Variants in DHRSX observed in about 807,000 individuals in gnomAD.
The protein encoded by DHRSX is polyprenol dehydrogenase.
Under a neutral mutation model 34.0 loss-of-function variants are expected in DHRSX, and 31 were observed. That is an observed-to-expected ratio of 0.91 (90% confidence interval 0.69 to 1.23). The LOEUF (loss-of-function observed/expected upper bound fraction) is 1.23, where lower values mean the gene tolerates loss of function less well. Ranked by LOEUF, DHRSX falls within the 50% of genes most tolerant of loss-of-function variation. The pLI, the probability that DHRSX is intolerant of heterozygous loss-of-function variation, is 0.00. For synonymous variants in DHRSX, 201 were observed against 183.8 expected (o/e 1.09, Z -0.76); for missense variants, 414 against 428.1 (o/e 0.97, Z 0.29).
chrX:2,469,902 T>G (rs1014273819), intron 1 of DHRSX, among the ~76,000 whole-genome samples: 15 of 152,098 alleles, frequency 9.9e-5, no homozygotes, highest in African/African-American at 3.6e-4. Context: ...CACCACTGGG[T>G]GTGTACCCAA....
At chrX:2,312,025 G>A (rs1340511875) in intron 3 of DHRSX, among the ~76,000 whole-genome samples, 1 of 152,078 alleles carries the variant, frequency 6.6e-6, no homozygotes, top group African/African-American at 2.4e-5. Context: ...AAAATCCAAC[G>A]GCATCAAAAT....
intron 6 of DHRSX, among the ~76,000 whole-genome samples, chrX:2,229,659 GTATGTA>G (rs199865705): frequency 0.036 from 5,468 of 152,172 alleles, 317 homozygotes; most frequent in African/African-American, 0.12. Flanking sequence ...GTGCATGTCT[GTATGTA>G]TATGTATATG....
At chrX:2,495,357 AT>A (rs2045256534) in intron 1 of DHRSX, among the ~76,000 whole-genome samples, 1 of 151,860 alleles carries the variant, frequency 6.6e-6, no homozygotes, top group Non-Finnish European at 1.5e-5. Context: ...ATATTCTATT[AT>A]TATTAATATT....
chrX:2,225,134 A>G (rs1349031802), intron 6 of DHRSX, among the ~76,000 whole-genome samples: 2 of 149,668 alleles, frequency 1.3e-5, no homozygotes, highest in Non-Finnish European at 3.0e-5. Flanking sequence ...ATTCACATGC[A>G]CTCATTCACA....
intron 3 of DHRSX, among the ~76,000 whole-genome samples, chrX:2,364,954 A>G (rs777738564): frequency 1.3e-5 from 2 of 152,196 alleles, no homozygotes; most frequent in South Asian, 4.2e-4. Context: ...TCCATCATCT[A>G]TCTATATCAC....
chrX:2,452,964 A>T (rs760356134), intron 1 of DHRSX, among the ~76,000 whole-genome samples: 1 of 152,216 alleles, frequency 6.6e-6, no homozygotes, highest in Non-Finnish European at 1.5e-5. Flanking sequence ...AAGAGACGGA[A>T]TAAACCCATG....
At chrX:2,410,558 G>A (rs1185335971) in intron 2 of DHRSX, among the ~76,000 whole-genome samples, 19 of 152,186 alleles carry the variant, frequency 1.2e-4, no homozygotes, top group African/African-American at 4.3e-4. Context: ...GAGTCAACAC[G>A]GCGTATTGAA....
chrX:2,422,227 C>T (rs1460410029), intron 2 of DHRSX, among the ~76,000 whole-genome samples: 1 of 152,102 alleles, frequency 6.6e-6, no homozygotes, highest in Non-Finnish European at 1.5e-5. Context: ...CAGAGAATGG[C>T]GGAGAGGAAG....
intron 2 of DHRSX, among the ~76,000 whole-genome samples, chrX:2,422,966 C>A (rs1384289122): frequency 6.6e-6 from 1 of 151,478 alleles, no homozygotes; most frequent in Non-Finnish European, 1.5e-5. Context: ...CCAAGCCCAG[C>A]TAATTTTTGT....
intron 3 of DHRSX, chrX:2,336,363 AG>A (rs953300923): frequency 3.2e-4 from 49 of 152,246 alleles, no homozygotes; most frequent in African/African-American, 1.2e-3. Context: ...CTTTTTCAAA[AG>A]CATTTTGCTG....
intron 1 of DHRSX, chrX:2,490,474 G>A (rs1208743789): frequency 1.2e-6 from 2 of 1,614,008 alleles, no homozygotes; most frequent in East Asian, 4.5e-5. Flanking sequence ...TCTGCTCCGT[G>A]TTGCTCTTGA....
chrX:2,415,502 C>G (rs1309489905), intron 2 of DHRSX, among the ~76,000 whole-genome samples: 2 of 151,628 alleles, frequency 1.3e-5, no homozygotes, highest in Admixed American at 1.3e-4. Flanking sequence ...GACCAACCAA[C>G]TAGATATCAT....
intron 3 of DHRSX, among the ~76,000 whole-genome samples, chrX:2,326,648 T>G (rs2042389689): frequency 6.6e-6 from 1 of 152,032 alleles, no homozygotes; most frequent in African/African-American, 2.4e-5. Flanking sequence ...TATCCAGTTG[T>G]GTGTTATTGG....
chrX:2,417,227 C>T (rs899073466), intron 2 of DHRSX, among the ~76,000 whole-genome samples: 2 of 152,224 alleles, frequency 1.3e-5, no homozygotes, highest in African/African-American at 4.8e-5. Flanking sequence ...TCCTGATGCT[C>T]AGTAAACATC....
chrX:2,476,953 G>A (rs1386867230), intron 1 of DHRSX, among the ~76,000 whole-genome samples: 1 of 152,092 alleles, frequency 6.6e-6, no homozygotes, highest in East Asian at 1.9e-4. Context: ...AGTGAGCCGA[G>A]ATCATACCAC....
chrX:2,438,488 T>C (rs912686614), intron 1 of DHRSX, among the ~76,000 whole-genome samples: 7 of 152,136 alleles, frequency 4.6e-5, no homozygotes, highest in African/African-American at 1.4e-4. Context: ...CTGACTAACA[T>C]GGTGAAACCC....
intron 6 of DHRSX, among the ~76,000 whole-genome samples, chrX:2,221,567 G>A (rs1465776220): frequency 6.6e-6 from 1 of 152,140 alleles, no homozygotes; most frequent in Non-Finnish European, 1.5e-5. Flanking sequence ...TTGACTAGAA[G>A]CAGATGAGTG....
At chrX:2,282,578 G>C (rs770302199) in intron 4 of DHRSX, among the ~76,000 whole-genome samples, 3 of 93,690 alleles carry the variant, frequency 3.2e-5, no homozygotes, top group African/African-American at 8.5e-5. Flanking sequence ...GAAACAGAAA[G>C]GGAGAGAGAG....
chrX:2,321,311 T>C (rs1212608163), intron 3 of DHRSX, among the ~76,000 whole-genome samples: 1 of 152,130 alleles, frequency 6.6e-6, no homozygotes, highest in Non-Finnish European at 1.5e-5. Context: ...AGTATTTAAA[T>C]GTCCACTGAC....
Sources: gnomAD v4.1 joint callset for allele counts (sites outside exome capture counted in the v4.1 genomes callset) on GRCh38, gnomAD v4.1.1 for gene constraint, MANE v1.5 for transcripts, NCBI Gene and HGNC (gene_info 2026-07-23, HGNC 2026-07-21) for gene names.